HDAC4: variants seen among roughly 807,000 people sequenced by gnomAD.
HDAC4 encodes the protein histone deacetylase 4, also known as histone deacetylase A.
Under a neutral mutation model 135.1 loss-of-function variants are expected in HDAC4, and 16 were observed. The observed-to-expected ratio is 0.12, with a 90% CI of 0.08 to 0.18. HDAC4 has a LOEUF of 0.18. Among genes scored for constraint, HDAC4 ranks in the 10% least tolerant of loss-of-function variants. The pLI is 1.00. For synonymous variants in HDAC4, 685 were observed against 653.4 expected, an observed-to-expected ratio of 1.05 and a Z score of -0.74; for missense variants, 1,143 against 1,511.8, an observed-to-expected ratio of 0.76 and a Z score of 4.05.
Position 239,051,856 on chromosome 2 carries a change from T to G in HDAC4, c.*1241A>C, listed in dbSNP as rs964072033. 1 of 151,584 alleles carries G rather than the reference T, an allele frequency of 6.6e-6. No individual in the cohort carries two copies. The highest frequency in any genetic ancestry group is 6.6e-5 in the Admixed American group (1 of 15,208). The allele number at this position is 151,584 out of a possible 1,614,324, so 9.4% of individuals were successfully genotyped here. On this transcript the variant is annotated 3_prime_UTR_variant, in exon 27 of 27. Transcript: ENST00000543185. ...GCAATCTGCATTCATTTTATATATA[T>G]ATATATACTTTTTCTATAAATGCAT... is the stretch of plus-strand genomic sequence containing the variant.
chr2:239,081,271 A>T, intron 21 of HDAC4, 79 bp from the exon 22 acceptor site: 1 of 1,242,368 alleles, frequency 8.0e-7, no homozygotes, highest in Non-Finnish European at 1.2e-6. Context: ...TGCAGGTGGC[A>T]CCGGGATGGG....
At chr2:239,375,288 G>C (rs1694926710) in intron 1 of HDAC4, among the ~76,000 whole-genome samples, 1 of 152,134 alleles carries the variant, frequency 6.6e-6, no homozygotes, top group Non-Finnish European at 1.5e-5. Context: ...TCTCTCTGCT[G>C]TCCTGCAGGC....
At chr2:239,386,246 C>G (rs1412370346) in intron 1 of HDAC4, among the ~76,000 whole-genome samples, 1 of 151,908 alleles carries the variant, frequency 6.6e-6, no homozygotes, top group Non-Finnish European at 1.5e-5. Flanking sequence ...GGCGGCCGCA[C>G]AGGGGGAGTC....
At chr2:239,304,321 T>A (rs1036240464) in intron 2 of HDAC4, among the ~76,000 whole-genome samples, 19 of 152,174 alleles carry the variant, frequency 1.2e-4, no homozygotes, top group Admixed American at 1.0e-3. Context: ...TTTTATTACA[T>A]GCTGGGAAGA....
rs1691607077 is a variant in HDAC4 at position 239,331,922 on chromosome 2, G to A, written c.22+20756C>T. 6.6e-6 allele frequency among the ~76,000 whole-genome samples: 1 copy of A among 152,212 alleles called. No individual in the cohort carries two copies. The highest frequency in any genetic ancestry group is 2.1e-4 in the South Asian group (1 of 4,828). On this transcript the variant is annotated intron_variant, in intron 2 of 26. Coordinates refer to ENST00000543185, the MANE Select transcript of HDAC4 (RefSeq NM_001378414.1). This position sits in a 1 kb window ranked among gnomAD's most constrained non-coding sequence, Gnocchi z 4.5. ...GTGAGGAGAGCCCCGTGCCAGGAGT[G>A]AGGGCAACACGGACCTGACCAGTCC... is the stretch of plus-strand genomic sequence containing the variant.
In HDAC4 at chr2:239,126,635, C is replaced by T. The variant is rs2040209501; in HGVS notation, c.1354G>A (p.Asp452Asn). 6.2e-7 allele frequency: 1 copy of T among 1,614,062 alleles called. No individual in the cohort carries two copies. Among genetic ancestry groups the T allele is most frequent in the Admixed American group, 1.7e-5 (1 of 60,036 alleles). ...PLHAQSLVGADRVSPSIHKLR... is the reference protein window; with the variant it reads ...PLHAQSLVGANRVSPSIHKLR... ...TTGTGGATGGAGGGGGACACCCGGT[C>T]TGCACCAACCAAGGACTGTGCGTGG... Residue 452 changes from aspartate to asparagine, a missense_variant, in exon 12 of 27, where the codon GAC becomes AAC. Around this residue, in one of 9 missense-constraint regions of HDAC4, gnomAD observed 272 missense variants for 309.7 expected, o/e 0.88. Coordinates refer to ENST00000543185, the MANE Select transcript of HDAC4 (RefSeq NM_001378414.1).
At chr2:239,159,564 T>A (rs1275281109) in intron 6 of HDAC4, among the ~76,000 whole-genome samples, 6 of 139,998 alleles carry the variant, frequency 4.3e-5, no homozygotes, top group Non-Finnish European at 7.7e-5. Context: ...CATCTCACAC[T>A]CACACCTGTC....
At chr2:239,119,085 A>T (rs933898978) in intron 12 of HDAC4, among the ~76,000 whole-genome samples, 1 of 152,170 alleles carries the variant, frequency 6.6e-6, no homozygotes, top group Non-Finnish European at 1.5e-5. Context: ...CAGGACACTC[A>T]TCAAGAGGGC....
In HDAC4 at chr2:239,115,696, C is replaced by T. The variant is rs2039066935; in HGVS notation, c.1534-386G>A. On this transcript the variant is annotated intron_variant, in intron 12 of 26. Transcript: ENST00000543185. The surrounding 1 kb of genome is among the most constrained non-coding windows in gnomAD (Gnocchi z 6.3). ...GGAGAGGCCAATGCTGACCTCACAG[C>T]CACAACTGCTAAGAGAAACAGCCCA... is the stretch of plus-strand genomic sequence containing the variant. Among the ~76,000 whole-genome samples, 1 of 152,140 alleles carries T rather than the reference C, an allele frequency of 6.6e-6. No homozygotes were observed. Among genetic ancestry groups the T allele is most frequent in the African/African-American group, 2.4e-5 (1 of 41,428 alleles).
chr2:239,290,243 C>A (rs2051383510), intron 2 of HDAC4, among the ~76,000 whole-genome samples: 1 of 152,168 alleles, frequency 6.6e-6, no homozygotes, highest in Admixed American at 6.5e-5. Flanking sequence ...TTTACTCTTA[C>A]CTAGTTCCCT....
At position 239,126,559 on chromosome 2, in the gene HDAC4, T is replaced by C. The variant is rs2040202011; in HGVS notation, c.1430A>G (p.Gln477Arg). 3.7e-6 allele frequency: 6 copies of C among 1,613,780 alleles called. No homozygotes were observed. The highest frequency in any genetic ancestry group is 5.1e-6 in the Non-Finnish European group (6 of 1,179,916). The part of the protein sequence containing the change: ...LGRTQSAPLP[Q>R]NAQALQHLVI... ...CAGGTGCTGCAGAGCCTGGGCGTTCTGGGGCAGCGGGGCCGACTGGGTCCG... is the reference window on the plus strand; with the variant it reads ...CAGGTGCTGCAGAGCCTGGGCGTTCCGGGGCAGCGGGGCCGACTGGGTCCG... The change falls in exon 12 of 27, where the codon CAG becomes CGG. Residue 477 changes from glutamine (Q) to arginine (R), a missense_variant. Gln to Arg is a conservative substitution (Grantham distance 43). Around this residue, in one of 9 missense-constraint regions of HDAC4, gnomAD observed 272 missense variants for 309.7 expected, o/e 0.88. Coordinates refer to ENST00000543185, the MANE Select transcript of HDAC4 (RefSeq NM_001378414.1).
In HDAC4 at chr2:239,095,784, G is replaced by A. The variant is rs150351640; in HGVS notation, c.2234-728C>T. ...TTGACCCAGTGCTGGCTGAATGCAC[G>A]TCACCAGCTTAAAACCCATCTGTGG... On this transcript the variant is annotated intron_variant, in intron 16 of 26. Coordinates refer to ENST00000543185, the MANE Select transcript of HDAC4 (RefSeq NM_001378414.1). 1.7e-3 allele frequency among the ~76,000 whole-genome samples: 253 copies of A among 152,280 alleles called. 2 individuals carry two copies. The highest frequency in any genetic ancestry group is 5.8e-3 in the African/African-American group (243 of 41,546).
At chr2:239,345,899 C>T (rs1342904662) in intron 2 of HDAC4, among the ~76,000 whole-genome samples, 2 of 150,478 alleles carry the variant, frequency 1.3e-5, no homozygotes, top group Non-Finnish European at 3.0e-5. Context: ...AAAACACACA[C>T]ACACCCCCAT....
rs1180577927 is a variant in HDAC4, at chr2:239,400,543, C to A, written c.-220+435G>T. 6.9e-6 allele frequency: 1 copy of A among 145,628 alleles called. No individual in the cohort carries two copies. The highest frequency in any genetic ancestry group is 1.5e-5 in the Non-Finnish European group (1 of 65,542). 9.0% of individuals were successfully genotyped at this position (145,628 alleles called of 1,614,324 possible). A position where few individuals can be genotyped will look rare whatever the true frequency, so the allele number is the denominator to read the frequency against. On this transcript the variant is annotated intron_variant, in intron 1 of 26. Coordinates refer to ENST00000543185, the MANE Select transcript of HDAC4 (RefSeq NM_001378414.1). This position sits in a 1 kb window ranked among gnomAD's most constrained non-coding sequence, Gnocchi z 4.7. ...GGCGGGTCCCACGGCGCGCGGCCAG[C>A]GCTGGCCCCCGCCTCCCACGGCCGC...
At position 239,137,499 on chromosome 2, in the gene HDAC4, A is replaced by G. The variant is rs183654276; in HGVS notation, c.978+2185T>C. The stretch of plus-strand genomic sequence containing the variant: ...GCACTCTGGGCCTCCCTGGCACTGT[A>G]GAGGAGGAGGTGCCCGGCACACTGG... On this transcript the variant is annotated intron_variant, in intron 9 of 26. Transcript: ENST00000543185. Among the ~76,000 whole-genome samples the G allele has an allele frequency of 3.9e-4, 59 of 151,738 alleles. No individual in the cohort carries two copies. In the East Asian group the frequency reaches 0.01, roughly 26 times the overall value.
At chr2:239,087,046 C>T (rs919966348) in intron 19 of HDAC4, among the ~76,000 whole-genome samples, 2 of 152,220 alleles carry the variant, frequency 1.3e-5, no homozygotes, top group East Asian at 1.9e-4. Context: ...ACCCCACACT[C>T]GCCACCCTGC....
Position 239,252,246 on chromosome 2 carries a change from G to A in HDAC4, c.23-15582C>T, listed in dbSNP as rs73100720. ...CTCCCAGGAGCCTGTGATGCCACAT[G>A]AGCCAGCTGATCAGTGTGGGCCTCA... On this transcript the variant is annotated intron_variant, in intron 2 of 26. Transcript: ENST00000543185. 4.7e-3 allele frequency among the ~76,000 whole-genome samples: 715 copies of A among 152,336 alleles called. 2 individuals carry two copies. The highest frequency in any genetic ancestry group is 0.011 in the African/African-American group (467 of 41,588).
chr2:239,130,522 C>T (rs550413678), intron 11 of HDAC4, among the ~76,000 whole-genome samples: 6 of 150,692 alleles, frequency 4.0e-5, no homozygotes, highest in Admixed American at 3.3e-4. Flanking sequence ...GCCACCTCCA[C>T]GAGGCATACA....
intron 22 of HDAC4, among the ~76,000 whole-genome samples, chr2:239,072,405 A>C (rs181087944): frequency 4.6e-5 from 7 of 152,170 alleles, no homozygotes; most frequent in Admixed American, 2.0e-4. Context: ...CCCCTCACCA[A>C]GCCCTTGTGT....
Sources: gnomAD v4.1 joint callset for allele counts (sites outside exome capture counted in the v4.1 genomes callset) on GRCh38, gnomAD v4.1.1 for gene constraint, gnomAD v4.1.1 regional missense constraint, Gnocchi (gnomAD v3.1) non-coding constraint, MANE v1.5 for transcripts, NCBI Gene and HGNC (gene_info 2026-07-23, HGNC 2026-07-21) for gene names.